Variants in ZCCHC8 observed in about 807,000 individuals in gnomAD.
ZCCHC8 encodes zinc finger CCHC-type containing 8, also known as zinc finger CCHC domain-containing protein 8.
A neutral mutation model predicts 70.6 loss-of-function variants in ZCCHC8; 27 were observed. The observed-to-expected ratio is 0.38, with a 90% CI of 0.28 to 0.53. ZCCHC8 has a LOEUF of 0.53. Among genes scored for constraint, ZCCHC8 ranks in the 20% least tolerant of loss-of-function variants. ZCCHC8 has a pLI of 0.81. For synonymous variants in ZCCHC8, 293 were observed against 317.4 expected (o/e 0.92, Z 0.82); for missense variants, 737 against 876.9 (o/e 0.84, Z 2.01).
intron 5 of ZCCHC8, among the ~76,000 whole-genome samples, chr12:122,487,203 G>A (rs1957657919): frequency 1.3e-5 from 2 of 151,976 alleles, no homozygotes. Flanking sequence ...TTTTCTTCAG[G>A]GCACTACCTT....
In ZCCHC8 at chr12:122,481,583, T is replaced by A. The variant is rs764571945; in HGVS notation, c.957A>T (p.Pro319=). Residue 319 remains proline, a synonymous_variant, in exon 10 of 14, where the codon CCA becomes CCT. Transcript: ENST00000633063. ...ATTCAGCCTCTTTGAGCCACCCTGG[T>A]GGGTACCCTAGCTGGCGCATCCGAT... ...FIYRMRQLGY[P]PGWLKEAELE... is the part of the protein sequence containing the mutation. 1.9e-6 allele frequency: 3 copies of A among 1,613,832 alleles called. No individual in the cohort carries two copies. Among genetic ancestry groups the A allele is most frequent in the South Asian group, 2.2e-5 (2 of 91,082 alleles).
intron 9 of ZCCHC8, 95 bp from the exon 10 acceptor site, chr12:122,481,759 T>G: frequency 4.9e-6 from 7 of 1,431,044 alleles, no homozygotes; most frequent in Non-Finnish European, 6.6e-6. Context: ...TTGCTTATAT[T>G]ACATACCATG....
intron 4 of ZCCHC8, 151 bp downstream of exon 4, chr12:122,490,311 C>T (rs1437905570): frequency 3.2e-6 from 2 of 616,920 alleles, no homozygotes; most frequent in East Asian, 2.9e-5. Context: ...GTGGCTAAAC[C>T]AGTCAGGCTT....
intron 13 of ZCCHC8, among the ~76,000 whole-genome samples, chr12:122,476,982 A>G (rs1457155668): frequency 2.6e-5 from 4 of 151,562 alleles, no homozygotes; most frequent in African/African-American, 7.3e-5. Context: ...AGATCACGCC[A>G]CTGCACTCCA....
chr12:122,474,323 G>T, intron 13 of ZCCHC8, 48 bp from the exon 14 acceptor site: 1 of 1,328,728 alleles, frequency 7.5e-7, no homozygotes, highest in South Asian at 2.9e-5. Context: ...AATAGCATTT[G>T]GTTTTACTAA....
chr12:122,485,815 C>T (rs1185978047), intron 5 of ZCCHC8, among the ~76,000 whole-genome samples: 4 of 152,086 alleles, frequency 2.6e-5, no homozygotes, highest in Non-Finnish European at 2.9e-5. Context: ...GGACTACAGG[C>T]GCCCACCACC....
rs1016898684 is a variant in ZCCHC8, at chr12:122,491,612, T to C, written c.318-1045A>G. ...GGGAGGCCGAGATGGGTGGATCACC[T>C]GAGGTCGGGAGTTTGAGACCAGCCT... On this transcript the variant is annotated intron_variant, in intron 3 of 13. Coordinates refer to ENST00000633063, the MANE Select transcript of ZCCHC8 (RefSeq NM_017612.5). 1.6e-4 allele frequency among the ~76,000 whole-genome samples: 24 copies of C among 150,976 alleles called. 1 individual carries two copies. The highest frequency in any genetic ancestry group is 1.3e-3 in the Admixed American group (20 of 15,164).
rs146110856 is a variant in ZCCHC8 at position 122,486,662 on chromosome 12, C to T, written c.501+2724G>A. On this transcript the variant is annotated intron_variant, in intron 5 of 13. Coordinates refer to ENST00000633063, the MANE Select transcript of ZCCHC8 (RefSeq NM_017612.5). Reference sequence around the variant, plus strand: ...TCGGCTCACTGCAACCTCTGTCTCCCGGGTTCTAGCGATTCTCCTGCCTCA... The same window carrying T: ...TCGGCTCACTGCAACCTCTGTCTCCTGGGTTCTAGCGATTCTCCTGCCTCA... 2.1e-3 allele frequency among the ~76,000 whole-genome samples: 312 copies of T among 151,774 alleles called. 2 individuals carry two copies. Among genetic ancestry groups the T allele is most frequent in the Non-Finnish European group, 3.7e-3 (254 of 67,920 alleles).
rs1957816354 is a variant in ZCCHC8, at chr12:122,495,773, G to C, written c.243-2984C>G. 2.1e-5 allele frequency among the ~76,000 whole-genome samples: 3 copies of C among 145,252 alleles called. No homozygotes were observed. The East Asian group carries it at 6.1e-4, about 30-fold the overall frequency. ...TGAGGCAGGAGAATCACTTGAACCT[G>C]GGAGGCAGAGGTTGCAGTGAGCCAA... is the stretch of plus-strand genomic sequence containing the variant. On this transcript the variant is annotated intron_variant, in intron 2 of 13. Transcript: ENST00000633063.
chr12:122,496,556 G>A (rs1454491853), intron 2 of ZCCHC8, among the ~76,000 whole-genome samples: 1 of 152,022 alleles, frequency 6.6e-6, no homozygotes, highest in Non-Finnish European at 1.5e-5. Flanking sequence ...ACTTTTATGA[G>A]GAATCCTAGT....
intron 10 of ZCCHC8, 56 bp from the exon 11 acceptor site, chr12:122,480,367 C>G: frequency 6.9e-7 from 1 of 1,439,892 alleles, no homozygotes; most frequent in Non-Finnish European, 9.2e-7. Context: ...ATATCCCTCC[C>G]CAGACCAAAA....
intron 5 of ZCCHC8, among the ~76,000 whole-genome samples, chr12:122,486,623 G>A (rs995089095): frequency 1.3e-5 from 2 of 151,848 alleles, no homozygotes; most frequent in East Asian, 3.9e-4. Context: ...AGGCTGGAGT[G>A]AAGTGGCATG....
intron 3 of ZCCHC8, 29 bp downstream of exon 3, chr12:122,492,686 A>G (rs1435518846): frequency 2.3e-5 from 32 of 1,366,854 alleles, no homozygotes; most frequent in Non-Finnish European, 2.9e-5. Context: ...ACACATTATT[A>G]TATTTAGGAA....
At chr12:122,495,497 A>AAAAACAAACAGAAAGT (rs1243522545) in intron 2 of ZCCHC8, among the ~76,000 whole-genome samples, 5 of 152,188 alleles carry the variant, frequency 3.3e-5, no homozygotes, top group Admixed American at 3.3e-4. Flanking sequence ...GCTCTGTCTC[A>AAAAACAAACAGAAAGT]AAAACAAACA....
At chr12:122,477,393 A>G (rs1593313338) in intron 13 of ZCCHC8, among the ~76,000 whole-genome samples, 1 of 150,456 alleles carries the variant, frequency 6.6e-6, no homozygotes, top group Admixed American at 6.6e-5. Context: ...TTACCTTGTG[A>G]CCCGCCTGCC....
At chr12:122,482,550 C>T in intron 8 of ZCCHC8, 85 bp downstream of exon 8, 2 of 1,003,830 alleles carry the variant, frequency 2.0e-6, no homozygotes, top group Non-Finnish European at 2.9e-6. Context: ...AAGAAAGTTC[C>T]TTCATGTCAT....
chr12:122,483,088 A>G lies in ZCCHC8; in HGVS notation c.671+191T>C. On this transcript the variant is annotated intron_variant, in intron 7 of 13. Transcript: ENST00000633063. This position sits in a 1 kb window ranked among gnomAD's most constrained non-coding sequence, Gnocchi z 4.4. ...CACCCACCCAGGCACATTAGGTGAG[A>G]ACCAATGAATTCCAGGAAGCAGATG... The G allele has an allele frequency of 1.6e-6, 1 of 619,504 alleles. No individual in the cohort carries two copies. The allele number at this position is 619,504 out of a possible 1,614,324, so 38.4% of individuals were successfully genotyped here. A position where few individuals can be genotyped will look rare whatever the true frequency, so the allele number is the denominator to read the frequency against.
intron 11 of ZCCHC8, chr12:122,478,520 G>T: frequency 2.2e-6 from 1 of 459,054 alleles, no homozygotes; most frequent in Non-Finnish European, 3.9e-6. Context: ...CAATCACTTG[G>T]CCAAAAAAGG....
Position 122,480,208 on chromosome 12 carries a change from A to C in ZCCHC8, c.1122T>G (p.Thr374=). ...TACTTACGTCTGGAATTCCTCTGGG[A>C]GTAGATATATTAAAACCAGGATAGT... The part of the protein sequence containing the change: ...LVNYPGFNIS[T]PRGIPDEWRI... Residue 374 remains threonine, a synonymous_variant, in exon 11 of 14, where the codon ACT becomes ACG. Coordinates refer to ENST00000633063, the MANE Select transcript of ZCCHC8 (RefSeq NM_017612.5). 6.3e-7 allele frequency: 1 copy of C among 1,587,558 alleles called. No homozygotes were observed. Among genetic ancestry groups the C allele is most frequent in the Non-Finnish European group, 8.6e-7 (1 of 1,161,690 alleles).
Sources: allele counts gnomAD v4.1 joint callset (sites outside exome capture counted in the v4.1 genomes callset), GRCh38; gene constraint gnomAD v4.1.1; non-coding constraint Gnocchi (gnomAD v3.1); transcripts MANE v1.5; gene names NCBI Gene and HGNC (gene_info 2026-07-23, HGNC 2026-07-21).